The following LRRC36 variants were observed in gnomAD, a reference collection of about 807,000 sequenced individuals.
The protein encoded by LRRC36 is leucine rich repeat containing 36.
A neutral mutation model predicts 81.1 loss-of-function variants in LRRC36; 62 were observed. The ratio of observed to expected loss-of-function variants is 0.76; its 90% CI spans 0.62 to 0.94. The LOEUF (loss-of-function observed/expected upper bound fraction) is 0.94. Ranked by LOEUF, LRRC36 falls within the 40% of genes least tolerant of loss-of-function variation. The probability of loss-of-function intolerance (pLI) is 0.00; values close to 1 mark genes in which losing one functional copy is unlikely to be tolerated. For synonymous variants in LRRC36, 334 were observed against 348.6 expected, an observed-to-expected ratio of 0.96 and a Z score of 0.47; for missense variants, 761 against 881.7, an observed-to-expected ratio of 0.86 and a Z score of 1.73.
intron 6 of LRRC36, 66 bp from the exon 7 acceptor site, chr16:67,365,238 G>C: frequency 1.0e-6 from 1 of 993,794 alleles, no homozygotes; most frequent in Non-Finnish European, 1.6e-6. Flanking sequence ...TGAACCCCTA[G>C]TCTAATAAGC....
chr16:67,371,259 T>G lies in LRRC36; in HGVS notation c.1494+17T>G. 2 of 1,614,070 alleles carry G rather than the reference T, an allele frequency of 1.2e-6. No homozygotes were observed. The highest frequency in any genetic ancestry group is 2.2e-5 in the East Asian group (1 of 44,878). On this transcript the variant is annotated intron_variant, in intron 9 of 13. Transcript: ENST00000329956. ...GGCAGCGAGGCAAGTGTTGGCTTGT[T>G]TGTGTTTGTGCGAGAAACAGGTCAG...
At chr16:67,363,261 G>A (rs1036183683) in intron 5 of LRRC36, among the ~76,000 whole-genome samples, 5 of 152,118 alleles carry the variant, frequency 3.3e-5, no homozygotes, top group Non-Finnish European at 5.9e-5. Context: ...TTATTTATTC[G>A]CTTAGGAAAT....
chr16:67,374,541 G>A (rs2039801061), intron 9 of LRRC36, among the ~76,000 whole-genome samples: 3 of 151,762 alleles, frequency 2.0e-5, no homozygotes. Flanking sequence ...ATTACAGGCT[G>A]CCCACCATCA....
chr16:67,362,600 C>A (rs961999769), intron 5 of LRRC36, among the ~76,000 whole-genome samples: 10 of 152,184 alleles, frequency 6.6e-5, no homozygotes, highest in African/African-American at 2.4e-4. Flanking sequence ...CTTCCACATT[C>A]TCTGTGTGGT....
chr16:67,346,579 T>C (rs1254209339), intron 3 of LRRC36, 131 bp downstream of exon 3: 3 of 460,612 alleles, frequency 6.5e-6, no homozygotes, highest in Non-Finnish European at 3.8e-6. Flanking sequence ...TTTATGTAAC[T>C]CTTTTGTGTT....
chr16:67,371,468 A>G, intron 9 of LRRC36: 1 of 567,146 alleles, frequency 1.8e-6, no homozygotes, highest in South Asian at 2.0e-5. Flanking sequence ...CACAGGGAGA[A>G]CTGTCCCTGA....
chr16:67,334,223 G>A (rs1290789070), intron 1 of LRRC36, among the ~76,000 whole-genome samples: 5 of 151,886 alleles, frequency 3.3e-5, no homozygotes, highest in Non-Finnish European at 7.4e-5. Flanking sequence ...AGTAGAGACC[G>A]GGTTTCACCA....
chr16:67,358,176 T>G (rs1439900196), intron 5 of LRRC36, among the ~76,000 whole-genome samples: 8 of 151,732 alleles, frequency 5.3e-5, no homozygotes, highest in Admixed American at 5.3e-4. Context: ...GTTTTTTTTT[T>G]TTTTCAAGAG....
At position 67,342,957 on chromosome 16, in the gene LRRC36, A is replaced by G. The variant is rs919891465; in HGVS notation, c.198+873A>G. On this transcript the variant is annotated intron_variant, in intron 2 of 13. Transcript: ENST00000329956. Reference sequence around the variant, plus strand: ...GGCCTAAAAGATCAAAAGCCCTAAGATCAAATTTCCATCTAGGACTCTAAA... The same window carrying G: ...GGCCTAAAAGATCAAAAGCCCTAAGGTCAAATTTCCATCTAGGACTCTAAA... Among the ~76,000 whole-genome samples, 4 of 152,188 alleles carry G rather than the reference A, an allele frequency of 2.6e-5. No homozygotes were observed. The South Asian group carries it at 8.3e-4, about 32-fold the overall frequency.
chr16:67,369,439 A>C (rs1185273981), intron 8 of LRRC36, among the ~76,000 whole-genome samples: 10 of 152,200 alleles, frequency 6.6e-5, no homozygotes, highest in Non-Finnish European at 1.5e-4. Context: ...TGATTATGGT[A>C]TTTGGCAATG....
At chr16:67,339,017 C>G (rs1164795886) in intron 1 of LRRC36, among the ~76,000 whole-genome samples, 1 of 150,366 alleles carries the variant, frequency 6.7e-6, no homozygotes, top group Non-Finnish European at 1.5e-5. Context: ...GCCTCAGCCT[C>G]CTGAGTAGCT....
chr16:67,368,997 T>C (rs1255976339), intron 8 of LRRC36, among the ~76,000 whole-genome samples: 3 of 152,200 alleles, frequency 2.0e-5, no homozygotes, highest in Non-Finnish European at 4.4e-5. Context: ...AAGATAAATA[T>C]CAAGAGTTGG....
Position 67,375,228 on chromosome 16 carries a change from CTTT to C in LRRC36, c.1495-11_1495-9del. 6.8e-7 allele frequency: 1 copy of C among 1,461,078 alleles called. No individual in the cohort carries two copies. The highest frequency in any genetic ancestry group is 1.8e-5 in the Admixed American group (1 of 54,420). 90.5% of individuals were successfully genotyped at this position (1,461,078 alleles called of 1,614,324 possible). On this transcript the variant is annotated splice_polypyrimidine_tract_variant and intron_variant, in intron 9 of 13. Transcript: ENST00000329956. ...TGGGTTTTTTGTTTGTTTGTTTTTG[CTTT>C]TTTTTTTCTCTTGAGCCTCTCTCTA...
In LRRC36 at chr16:67,363,576, T is replaced by G. The variant is rs374750906; in HGVS notation, c.578-14T>G. ...CAGTGAGTGCTTTATTGTTTGCTTTTTCTTTTAACACAGACTCAAACAAAG... is the reference window on the plus strand; with the variant it reads ...CAGTGAGTGCTTTATTGTTTGCTTTGTCTTTTAACACAGACTCAAACAAAG... On this transcript the variant is annotated splice_polypyrimidine_tract_variant and intron_variant, in intron 5 of 13. Transcript: ENST00000329956. 6.9e-5 allele frequency: 111 copies of G among 1,613,020 alleles called. No individual in the cohort carries two copies. Among genetic ancestry groups the G allele is most frequent in the Non-Finnish European group, 9.0e-5 (106 of 1,179,356 alleles).
At chr16:67,337,257 A>G (rs1456952709) in intron 1 of LRRC36, among the ~76,000 whole-genome samples, 1 of 152,170 alleles carries the variant, frequency 6.6e-6, no homozygotes, top group Admixed American at 6.5e-5. Flanking sequence ...ATATATACCC[A>G]GAAGTGGAGT....
At chr16:67,327,360 G>T (rs2037239857) in intron 1 of LRRC36, among the ~76,000 whole-genome samples, 1 of 152,038 alleles carries the variant, frequency 6.6e-6, no homozygotes, top group Admixed American at 6.6e-5. Flanking sequence ...CGGCGTGGTG[G>T]TTCAAGTCTA....
At chr16:67,353,223 G>A (rs1440756056) in intron 5 of LRRC36, among the ~76,000 whole-genome samples, 1 of 152,016 alleles carries the variant, frequency 6.6e-6, no homozygotes, top group East Asian at 1.9e-4. Context: ...ACAGCTCCTA[G>A]GGTTTCATCA....
intron 9 of LRRC36, among the ~76,000 whole-genome samples, chr16:67,374,556 T>C (rs1265806331): frequency 6.6e-6 from 1 of 152,024 alleles, no homozygotes. Context: ...CCATCATGCC[T>C]GGCTAATTTT....
chr16:67,349,671 TA>T (rs1413707050), intron 4 of LRRC36, among the ~76,000 whole-genome samples: 1 of 152,242 alleles, frequency 6.6e-6, no homozygotes, highest in African/African-American at 2.4e-5. Flanking sequence ...TTTCACATTT[TA>T]CAGGCTGAAC....
Sources: gnomAD v4.1 joint callset for allele counts (sites outside exome capture counted in the v4.1 genomes callset) on GRCh38, gnomAD v4.1.1 for gene constraint, MANE v1.5 for transcripts, NCBI Gene and HGNC (gene_info 2026-07-23, HGNC 2026-07-21) for gene names.